The following UTP20 variants were observed in gnomAD, a reference collection of about 807,000 sequenced individuals.
UTP20 encodes the protein small subunit processome component 20 homolog.
UTP20 carries 164 observed loss-of-function variants against 329.5 expected under a neutral mutation model. The ratio of observed to expected loss-of-function variants is 0.50; its 90% CI spans 0.44 to 0.57. The LOEUF is 0.57. UTP20 is among the 20% of genes least tolerant of loss of function. The pLI is 0.00. For synonymous variants in UTP20, 1,151 were observed against 1,159.3 expected (o/e 0.99, Z 0.14); for missense variants, 3,055 against 3,284.2 (o/e 0.93, Z 1.71).
At chr12:101,295,958 C>G (rs565795345) in intron 12 of UTP20, among the ~76,000 whole-genome samples, 6 of 152,144 alleles carry the variant, frequency 3.9e-5, no homozygotes, top group African/African-American at 1.4e-4. Flanking sequence ...ATTTTTTAAC[C>G]ATTTATTTTA....
At chr12:101,298,064 T>C (rs1169952216) in intron 12 of UTP20, among the ~76,000 whole-genome samples, 3 of 152,216 alleles carry the variant, frequency 2.0e-5, no homozygotes, top group Admixed American at 1.3e-4. Context: ...ACACTCTATC[T>C]ACCCATCTCA....
chr12:101,347,716 A>G (rs1260683697), intron 38 of UTP20, among the ~76,000 whole-genome samples: 1 of 152,230 alleles, frequency 6.6e-6, no homozygotes, highest in African/African-American at 2.4e-5. Context: ...TAGCTCCCTT[A>G]TATTCTAGTT....
At chr12:101,371,739 G>A (rs746675486) in intron 51 of UTP20, among the ~76,000 whole-genome samples, 33 of 151,978 alleles carry the variant, frequency 2.2e-4, no homozygotes, top group Non-Finnish European at 4.0e-4. Flanking sequence ...TCACCATGTT[G>A]GCCAGGATGG....
intron 29 of UTP20, among the ~76,000 whole-genome samples, chr12:101,334,860 G>A (rs1324856724): frequency 1.3e-5 from 2 of 151,930 alleles, no homozygotes; most frequent in Non-Finnish European, 2.9e-5. Flanking sequence ...TTTAGTTCCA[G>A]CTACTTGGAG....
rs541190674 is a variant in UTP20 at position 101,382,852 on chromosome 12, TAA to T, written c.7657-174_7657-173del. ...GGGTAACAGAGTGAGGCTCTGTCTTTAAAAAAAAAAAAAAAAGGAATATCTAA... is the reference window on the plus strand; with the variant it reads ...GGGTAACAGAGTGAGGCTCTGTCTTTAAAAAAAAAAAAAAGGAATATCTAA... On this transcript the variant is annotated intron_variant, in intron 58 of 61. Coordinates refer to ENST00000261637, the MANE Select transcript of UTP20 (RefSeq NM_014503.3). Among the ~76,000 whole-genome samples the T allele has an allele frequency of 1.2e-3, 160 of 133,370 alleles. 1 individual carries two copies. Among genetic ancestry groups the T allele is most frequent in the African/African-American group, 3.2e-3 (118 of 37,228 alleles). 87.5% of individuals were successfully genotyped at this position (133,370 alleles called of 152,430 possible).
At chr12:101,343,424 A>G (rs1869214175) in intron 35 of UTP20, among the ~76,000 whole-genome samples, 1 of 152,170 alleles carries the variant, frequency 6.6e-6, no homozygotes, top group Non-Finnish European at 1.5e-5. Flanking sequence ...TCTAATGGGT[A>G]TAGGGTTTCT....
At chr12:101,296,066 A>G (rs1464849450) in intron 12 of UTP20, among the ~76,000 whole-genome samples, 1 of 152,258 alleles carries the variant, frequency 6.6e-6, no homozygotes, top group African/African-American at 2.4e-5. Context: ...TTGCATGAGC[A>G]TACTGCGATA....
At chr12:101,349,649 C>T (rs1869451724) in intron 38 of UTP20, among the ~76,000 whole-genome samples, 1 of 152,106 alleles carries the variant, frequency 6.6e-6, no homozygotes, top group Non-Finnish European at 1.5e-5. Flanking sequence ...TTATGTTTTC[C>T]AGGCTGGTCT....
rs113692188 is a variant in UTP20, at chr12:101,381,125, A to G, written c.7585-15A>G. 1.8e-4 allele frequency: 292 copies of G among 1,608,692 alleles called. No individual in the cohort carries two copies. In the African/African-American group the frequency reaches 2.4e-3, roughly 13 times the overall value. On this transcript the variant is annotated splice_polypyrimidine_tract_variant and intron_variant, in intron 57 of 61. Coordinates refer to ENST00000261637, the MANE Select transcript of UTP20 (RefSeq NM_014503.3). ...TCCTGTGTTTTGTCTACCAATGTCC[A>G]TTTTCTTTTCACAGATGAAAAGTAT...
At chr12:101,365,677 C>T in intron 46 of UTP20, 52 bp downstream of exon 46, 1 of 1,416,920 alleles carries the variant, frequency 7.1e-7, no homozygotes, top group Non-Finnish European at 9.3e-7. Flanking sequence ...TCTGATAAGC[C>T]ATTCTGTGGG....
chr12:101,342,905 C>A, intron 34 of UTP20, 36 bp from the exon 35 acceptor site: 1 of 1,609,400 alleles, frequency 6.2e-7, no homozygotes, highest in Non-Finnish European at 8.5e-7. Context: ...GATTTATATG[C>A]CTTCTTTTAT....
chr12:101,318,666 A>G (rs1206095171), intron 22 of UTP20, among the ~76,000 whole-genome samples: 9 of 152,012 alleles, frequency 5.9e-5, no homozygotes, highest in Admixed American at 3.3e-4. Context: ...CGCTGTCTCT[A>G]CTGAAAATAT....
At chr12:101,363,808 C>T (rs1043142932) in intron 45 of UTP20, 65 bp downstream of exon 45, 5 of 1,073,112 alleles carry the variant, frequency 4.7e-6, no homozygotes, top group Non-Finnish European at 7.1e-6. Context: ...TAAAAGGAAC[C>T]ATGCGGGGCA....
chr12:101,329,437 CCAA>C lies in UTP20; in HGVS notation c.3407_3409del (p.Gln1136del). 1 of 1,612,002 alleles carries C rather than the reference CCAA, an allele frequency of 6.2e-7. No individual in the cohort carries two copies. Among genetic ancestry groups the C allele is most frequent in the Non-Finnish European group, 8.5e-7 (1 of 1,178,284 alleles). ...CAGCAACCGTATCACACATCCTTGA[CCAA>C]CGAGAAAAGGTTAGATTCACTATAG... On this transcript the variant is annotated inframe_deletion, in exon 27 of 62. Transcript: ENST00000261637.
At chr12:101,374,031 C>T (rs1001319881) in intron 54 of UTP20, among the ~76,000 whole-genome samples, 27 of 151,876 alleles carry the variant, frequency 1.8e-4, no homozygotes, top group Admixed American at 1.4e-3. Flanking sequence ...GTCAGGAGAT[C>T]GAGACCATCC....
chr12:101,376,692 ACTGGAGTTAAATGG>A (rs1305723165), intron 56 of UTP20, among the ~76,000 whole-genome samples: 1 of 151,900 alleles, frequency 6.6e-6, no homozygotes, highest in Non-Finnish European at 1.5e-5. Context: ...TGTCACCCAG[ACTGGAGTTAAATGG>A]CACGATCTCA....
At chr12:101,295,298 G>A (rs934166521) in intron 11 of UTP20, among the ~76,000 whole-genome samples, 182 bp from the exon 12 acceptor site, 52 of 152,158 alleles carry the variant, frequency 3.4e-4, no homozygotes, top group African/African-American at 1.2e-3. Flanking sequence ...TAGATTCTAA[G>A]TCATCCTTCC....
intron 2 of UTP20, among the ~76,000 whole-genome samples, chr12:101,284,777 A>G (rs144357901): frequency 6.6e-6 from 1 of 152,240 alleles, no homozygotes; most frequent in Non-Finnish European, 1.5e-5. Flanking sequence ...CCCACCCCTA[A>G]TTCCCAAGGA....
rs1344265931 is a variant in UTP20, at chr12:101,291,989, A to G, written c.1058A>G (p.Gln353Arg). ...DVCKVLSQTL[Q>R]VASLSTSCWE... ...TTGCAGGTGTTATCTCAAACACTGC[A>G]AGTAGCCAGTCTCTCCACATCTTGC... Residue 353 changes from glutamine (Q) to arginine (R), a missense_variant, in exon 10 of 62, where the codon CAA (glutamine) becomes CGA (arginine). Transcript: ENST00000261637. 6.2e-7 allele frequency: 1 copy of G among 1,613,364 alleles called. No individual in the cohort carries two copies. Among genetic ancestry groups the G allele is most frequent in the Non-Finnish European group, 8.5e-7 (1 of 1,179,836 alleles).
Sources: allele counts gnomAD v4.1 joint callset (sites outside exome capture counted in the v4.1 genomes callset), GRCh38; gene constraint gnomAD v4.1.1; transcripts MANE v1.5; gene names NCBI Gene and HGNC (gene_info 2026-07-23, HGNC 2026-07-21).